The following XPO6 variants were observed in gnomAD, a reference collection of about 807,000 sequenced individuals.
XPO6 encodes exportin 6, also known as exportin-6.
Under a neutral mutation model 130.0 loss-of-function variants are expected in XPO6, and 3 were observed. That is an observed-to-expected ratio of 0.02 (90% CI 0.01 to 0.06). The LOEUF (loss-of-function observed/expected upper bound fraction) is 0.06. Ranked by LOEUF, XPO6 falls within the 10% of genes least tolerant of loss-of-function variation. The pLI is 1.00. For missense variants in XPO6, 970 were observed against 1,393.0 expected, an observed-to-expected ratio of 0.70 and a Z score of 4.83; for synonymous variants, 524 against 548.9, an observed-to-expected ratio of 0.95 and a Z score of 0.63.
At chr16:28,167,284 A>T (rs188479065) in intron 5 of XPO6, 1 of 985,258 alleles carries the variant, frequency 1.0e-6, no homozygotes, top group East Asian at 1.1e-4. Flanking sequence ...CATATCCCAA[A>T]CTCAACTTTT....
At chr16:28,187,019 G>A (rs1369946306) in intron 1 of XPO6, among the ~76,000 whole-genome samples, 3 of 152,178 alleles carry the variant, frequency 2.0e-5, no homozygotes, top group South Asian at 4.1e-4. Flanking sequence ...GTTACATCCT[G>A]TAGTCCTGGC....
Position 28,120,961 on chromosome 16 carries a change from G to A in XPO6, c.1859+709C>T, listed in dbSNP as rs1276285040. Among the ~76,000 whole-genome samples the A allele has an allele frequency of 2.0e-5, 3 of 152,264 alleles. No homozygotes were observed. The East Asian group carries it at 5.8e-4, about 29-fold the overall frequency. On this transcript the variant is annotated intron_variant, in intron 14 of 23. Transcript: ENST00000304658. The stretch of plus-strand genomic sequence containing the variant: ...CTTTATTTACAAAAGCAGTCAGTAA[G>A]CCAGATTTGGCAAAGGCCATAGTTT...
At position 28,203,452 on chromosome 16, in the gene XPO6, C is replaced by T. The variant is rs9922070; in HGVS notation, c.3+7914G>A. Reference sequence around the variant, plus strand: ...CCTTGGCTTAGACAGATACATTTGACAATGCAACTACTTAAGATCTTCAAC... The same window carrying T: ...CCTTGGCTTAGACAGATACATTTGATAATGCAACTACTTAAGATCTTCAAC... On this transcript the variant is annotated intron_variant, in intron 1 of 23. Transcript: ENST00000304658. 9.1e-3 allele frequency among the ~76,000 whole-genome samples: 1,379 copies of T among 152,250 alleles called. 28 individuals carry two copies. Among genetic ancestry groups the T allele is most frequent in the African/African-American group, 0.032 (1,321 of 41,536 alleles).
chr16:28,205,217 GTAC>G (rs758978715), intron 1 of XPO6, among the ~76,000 whole-genome samples: 28 of 152,264 alleles, frequency 1.8e-4, no homozygotes, highest in Non-Finnish European at 2.6e-4. Context: ...CCATGTTTGT[GTAC>G]TACATGTATA....
chr16:28,190,649 T>C (rs1007869033), intron 1 of XPO6, among the ~76,000 whole-genome samples: 4 of 152,194 alleles, frequency 2.6e-5, no homozygotes, highest in Non-Finnish European at 4.4e-5. Flanking sequence ...ACTGAGCCAA[T>C]TGACAAAACT....
chr16:28,204,060 T>G (rs1367172745), intron 1 of XPO6, among the ~76,000 whole-genome samples: 1 of 152,086 alleles, frequency 6.6e-6, no homozygotes, highest in African/African-American at 2.4e-5. Flanking sequence ...GGAGCCTAGT[T>G]TACTCCTTCC....
At chr16:28,185,647 T>C (rs1018193094) in intron 1 of XPO6, among the ~76,000 whole-genome samples, 13 of 152,178 alleles carry the variant, frequency 8.5e-5, no homozygotes, top group African/African-American at 2.9e-4. Context: ...ACTATGGCTC[T>C]GGGGACTGGC....
At chr16:28,129,395 G>A (rs1459847360) in intron 12 of XPO6, among the ~76,000 whole-genome samples, 1 of 152,142 alleles carries the variant, frequency 6.6e-6, no homozygotes, top group Admixed American at 6.5e-5. Flanking sequence ...TCTTCTGTCT[G>A]GTCAAGGCTT....
chr16:28,136,145 C>T (rs2042770668), intron 9 of XPO6, among the ~76,000 whole-genome samples: 1 of 152,184 alleles, frequency 6.6e-6, no homozygotes, highest in Admixed American at 6.5e-5. Flanking sequence ...AAAGCTATTT[C>T]GAACCTAGGG....
chr16:28,156,043 G>A, intron 7 of XPO6, 31 bp downstream of exon 7: 1 of 1,565,574 alleles, frequency 6.4e-7, no homozygotes, highest in Non-Finnish European at 8.7e-7. Flanking sequence ...CCTTTCTTGG[G>A]GCACACCAGC....
rs779196094 is a variant in XPO6 at position 28,098,622 on chromosome 16, G to C, written c.3294C>G (p.Thr1098=). 1 of 1,611,542 alleles carries C rather than the reference G, an allele frequency of 6.2e-7. No individual in the cohort carries two copies. The highest frequency in any genetic ancestry group is 1.7e-5 in the Admixed American group (1 of 59,824). ...FKMDRDLPSF[T]QNVHRLVNDL... The stretch of plus-strand genomic sequence containing the variant: ...CGTTGACCAGCCTGTGCACATTCTG[G>C]GTGAATGAGGGCAGGTCCTGGAAGG... Residue 1098 remains threonine, a synonymous_variant, in exon 24 of 24, where the codon ACC becomes ACG. Transcript: ENST00000304658.
intron 7 of XPO6, chr16:28,154,249 C>T (rs2043145114): frequency 3.3e-6 from 3 of 906,646 alleles, no homozygotes; most frequent in Non-Finnish European, 3.8e-6. Context: ...TTCCCTACTA[C>T]CCATTTAAAA....
rs1175473178 is a variant in XPO6, at chr16:28,211,870, G to A, written c.-502C>T. ...AGCCTCAACCCACACGGCCACTGCC[G>A]CCGCCCCCTAGAGCATCCTTGCGCG... is the stretch of plus-strand genomic sequence containing the variant. On this transcript the variant is annotated 5_prime_UTR_variant, in exon 1 of 24. Transcript: ENST00000304658. 5 of 171,190 alleles carry A rather than the reference G, an allele frequency of 2.9e-5. No individual in the cohort carries two copies. The highest frequency in any genetic ancestry group is 6.4e-5 in the Admixed American group (1 of 15,734). 10.6% of individuals were successfully genotyped at this position (171,190 alleles called of 1,614,324 possible).
chr16:28,169,918 A>C lies in XPO6; in HGVS notation c.406-9T>G. The C allele has an allele frequency of 6.2e-7, 1 of 1,613,830 alleles. No individual in the cohort carries two copies. The highest frequency in any genetic ancestry group is 1.1e-5 in the South Asian group (1 of 91,058). On this transcript the variant is annotated splice_polypyrimidine_tract_variant and intron_variant, in intron 4 of 23. Transcript: ENST00000304658. ...ACAGGGGACTGGATCAACTGCCAGG[A>C]AAAAGCATGTTCTGAGCAGAGTGTT...
At chr16:28,155,766 T>C in intron 7 of XPO6, 1 of 375,246 alleles carries the variant, frequency 2.7e-6, no homozygotes, top group Non-Finnish European at 4.3e-6. Flanking sequence ...CTGCACCACC[T>C]CAGACCTGCA....
chr16:28,181,102 G>C, intron 1 of XPO6, 71 bp from the exon 2 acceptor site: 1 of 1,204,416 alleles, frequency 8.3e-7, no homozygotes, highest in Non-Finnish European at 1.2e-6. Flanking sequence ...TTCCTTCTAG[G>C]TCACATTCAA....
chr16:28,146,433 G>C, intron 8 of XPO6: 1 of 398,918 alleles, frequency 2.5e-6, no homozygotes, highest in Admixed American at 3.9e-5. Flanking sequence ...ATACTGTGCA[G>C]CATAAACTGA....
intron 7 of XPO6, chr16:28,153,880 A>G (rs564785192): frequency 9.1e-6 from 9 of 985,462 alleles, no homozygotes; most frequent in South Asian, 9.4e-5. Flanking sequence ...TGGCCCGGAA[A>G]TAAAATGTCC....
intron 9 of XPO6, among the ~76,000 whole-genome samples, chr16:28,145,606 A>G (rs535827900): frequency 6.6e-6 from 1 of 152,284 alleles, no homozygotes; most frequent in East Asian, 1.9e-4. Flanking sequence ...CTTAACAGGT[A>G]TTTATTAATT....
Sources: allele counts gnomAD v4.1 joint callset (sites outside exome capture counted in the v4.1 genomes callset), GRCh38; gene constraint gnomAD v4.1.1; transcripts MANE v1.5; gene names NCBI Gene and HGNC (gene_info 2026-07-23, HGNC 2026-07-21).